Variants in FRMD4A observed in about 807,000 individuals in gnomAD.
FRMD4A encodes the protein FERM domain-containing protein 4A.
In FRMD4A, 29 loss-of-function variants were observed where a neutral mutation model predicts 129.1. That is an observed-to-expected ratio of 0.22 (90% CI 0.17 to 0.31). FRMD4A has a LOEUF of 0.31. Ranked by LOEUF, FRMD4A falls within the 10% of genes least tolerant of loss-of-function variation. FRMD4A has a pLI of 1.00. For missense variants in FRMD4A, 1,272 were observed against 1,375.8 expected (o/e 0.92, Z 1.19); for synonymous variants, 634 against 571.6 (o/e 1.11, Z -1.56).
chr10:13,796,685 G>C, intron 4 of FRMD4A, 97 bp from the exon 5 acceptor site: 1 of 677,824 alleles, frequency 1.5e-6, no homozygotes, highest in Non-Finnish European at 2.7e-6. Flanking sequence ...CTGGATCGTA[G>C]ATAAATTTGA....
At chr10:13,674,817 GTCAAATGACATCAAAAAGA>G (rs2083835181) in intron 16 of FRMD4A, 75 bp downstream of exon 16, 5 of 1,364,508 alleles carry the variant, frequency 3.7e-6, no homozygotes, top group East Asian at 4.6e-5. Context: ...AATGACATCA[GTCAAATGACATCAAAAAGA>G]TCAAATGACA....
intron 4 of FRMD4A, 118 bp downstream of exon 4, chr10:13,810,696 C>T (rs1313452693): frequency 5.6e-6 from 3 of 535,716 alleles, no homozygotes; most frequent in African/African-American, 3.9e-5. Context: ...GGACTGACCC[C>T]AGACCATGGG....
At chr10:13,963,625 C>A (rs2095462354) in intron 2 of FRMD4A, among the ~76,000 whole-genome samples, 3 of 152,186 alleles carry the variant, frequency 2.0e-5, no homozygotes, top group Admixed American at 1.3e-4. Flanking sequence ...ATCATGTGGA[C>A]AGCTGATAGA....
intron 2 of FRMD4A, among the ~76,000 whole-genome samples, chr10:14,229,992 C>T (rs1467440992): frequency 1.3e-5 from 2 of 152,204 alleles, no homozygotes; most frequent in Non-Finnish European, 2.9e-5. Flanking sequence ...TTGCTTCTCT[C>T]CATCTCTGTC....
intron 15 of FRMD4A, chr10:13,684,412 T>C (rs1274576037): frequency 5.1e-6 from 5 of 984,748 alleles, no homozygotes; most frequent in Non-Finnish European, 6.0e-6. Context: ...CTGGAGACAC[T>C]GCCTGTGTCA....
At chr10:14,300,799 G>A (rs1240993839) in intron 2 of FRMD4A, among the ~76,000 whole-genome samples, 7 of 152,150 alleles carry the variant, frequency 4.6e-5, no homozygotes, top group African/African-American at 1.7e-4. Context: ...TCGGAGGGGA[G>A]GTGTTATGCA....
intron 2 of FRMD4A, among the ~76,000 whole-genome samples, chr10:14,117,052 G>A (rs1212137959): frequency 6.6e-6 from 1 of 152,242 alleles, no homozygotes; most frequent in African/African-American, 2.4e-5. Flanking sequence ...CTGAGGCCCT[G>A]CCTCCTGTGG....
At chr10:14,085,122 T>C (rs192685819) in intron 2 of FRMD4A, among the ~76,000 whole-genome samples, 2 of 148,860 alleles carry the variant, frequency 1.3e-5, no homozygotes, top group Admixed American at 1.4e-4. Context: ...CATCTGTTTA[T>C]AAATCAAGAA....
chr10:14,003,216 C>A lies in FRMD4A; in HGVS notation c.46-144304G>T, dbSNP rs375190195. Among the ~76,000 whole-genome samples the A allele has an allele frequency of 1.5e-3, 233 of 152,084 alleles. 1 individual carries two copies. Among genetic ancestry groups the A allele is most frequent in the African/African-American group, 5.4e-3 (225 of 41,460 alleles). On this transcript the variant is annotated intron_variant, in intron 2 of 24. Coordinates refer to ENST00000357447, the MANE Select transcript of FRMD4A (RefSeq NM_018027.5). ...AATAGAGGAGCAGGACGGGGAGAGACGTTTCAGAGCTGGAATGGACAGTGC... is the reference window on the plus strand; with the variant it reads ...AATAGAGGAGCAGGACGGGGAGAGAAGTTTCAGAGCTGGAATGGACAGTGC...
intron 2 of FRMD4A, among the ~76,000 whole-genome samples, chr10:14,173,992 T>C (rs1421857825): frequency 6.6e-6 from 1 of 151,906 alleles, no homozygotes; most frequent in African/African-American, 2.4e-5. Flanking sequence ...GGAAAAGAAA[T>C]CCAGATCCAC....
intron 2 of FRMD4A, among the ~76,000 whole-genome samples, chr10:14,302,481 G>A (rs374743605): frequency 6.6e-6 from 1 of 152,116 alleles, no homozygotes; most frequent in South Asian, 2.1e-4. Context: ...ACTTTGCCAC[G>A]AACCAGCTAT....
intron 5 of FRMD4A, among the ~76,000 whole-genome samples, chr10:13,790,083 A>G (rs2092961613): frequency 6.6e-6 from 1 of 151,948 alleles, no homozygotes; most frequent in African/African-American, 2.4e-5. Context: ...GGAGAGTAAG[A>G]GATGGATAGG....
At chr10:14,315,930 T>G (rs1846722502) in intron 2 of FRMD4A, among the ~76,000 whole-genome samples, 1 of 152,214 alleles carries the variant, frequency 6.6e-6, no homozygotes, top group African/African-American at 2.4e-5. Context: ...TGACATATAG[T>G]CCCTGTTCTC....
chr10:14,312,802 G>T (rs1289084514), intron 2 of FRMD4A, among the ~76,000 whole-genome samples: 2 of 152,284 alleles, frequency 1.3e-5, no homozygotes, highest in Non-Finnish European at 2.9e-5. Flanking sequence ...AGAGATGGAG[G>T]CTGCAGTGAG....
intron 2 of FRMD4A, among the ~76,000 whole-genome samples, chr10:14,185,677 A>G (rs1433102571): frequency 1.3e-5 from 2 of 152,202 alleles, no homozygotes; most frequent in Admixed American, 1.3e-4. Flanking sequence ...GATGAGCAGA[A>G]GAGAGGATAG....
chr10:14,010,988 C>T (rs1055116603), intron 2 of FRMD4A, among the ~76,000 whole-genome samples: 10 of 152,148 alleles, frequency 6.6e-5, no homozygotes, highest in Non-Finnish European at 1.2e-4. Context: ...GGAGGAAATG[C>T]GTTTCATTAT....
At chr10:14,043,494 G>T (rs1833865801) in intron 2 of FRMD4A, among the ~76,000 whole-genome samples, 2 of 151,914 alleles carry the variant, frequency 1.3e-5, no homozygotes, top group East Asian at 1.9e-4. Flanking sequence ...ATTCCTCTCT[G>T]ATGTGCAGTT....
chr10:13,890,288 C>T (rs1160305988), intron 2 of FRMD4A, among the ~76,000 whole-genome samples: 1 of 152,228 alleles, frequency 6.6e-6, no homozygotes, highest in Admixed American at 6.5e-5. Flanking sequence ...AAGCACTTTG[C>T]TGCACATTTG....
At chr10:14,224,092 C>T (rs553849127) in intron 2 of FRMD4A, among the ~76,000 whole-genome samples, 7 of 152,146 alleles carry the variant, frequency 4.6e-5, no homozygotes, top group East Asian at 1.9e-4. Context: ...ACAAACAGGA[C>T]GGGGCTGCTT....
Sources: gnomAD v4.1 joint callset for allele counts (sites outside exome capture counted in the v4.1 genomes callset) on GRCh38, gnomAD v4.1.1 for gene constraint, MANE v1.5 for transcripts, NCBI Gene and HGNC (gene_info 2026-07-23, HGNC 2026-07-21) for gene names.